Variants in WDR45B observed in about 807,000 individuals in gnomAD.
WDR45B encodes the protein WD repeat domain 45B.
Under a neutral mutation model 44.6 loss-of-function variants are expected in WDR45B, and 20 were observed. That is an observed-to-expected ratio of 0.45 (90% CI 0.32 to 0.65). WDR45B has a LOEUF of 0.65. Among genes scored for constraint, WDR45B ranks in the 30% least tolerant of loss-of-function variants. WDR45B has a pLI of 0.05. For missense variants in WDR45B, 323 were observed against 430.2 expected (o/e 0.75, Z 2.20); for synonymous variants, 169 against 164.9 (o/e 1.02, Z -0.19).
At chr17:82,617,025 C>A (rs1355694775) in intron 8 of WDR45B, among the ~76,000 whole-genome samples, 1 of 152,192 alleles carries the variant, frequency 6.6e-6, no homozygotes, top group African/African-American at 2.4e-5. Context: ...CCATGTTAGC[C>A]AGGATGGTCT....
At chr17:82,619,647 A>G (rs1177909919) in intron 6 of WDR45B, among the ~76,000 whole-genome samples, 2 of 152,230 alleles carry the variant, frequency 1.3e-5, no homozygotes, top group Admixed American at 6.5e-5. Context: ...ACCTCAGGGA[A>G]GTTTTTAACA....
At chr17:82,647,967 T>C (rs1036001085) in intron 1 of WDR45B, among the ~76,000 whole-genome samples, 2 of 139,356 alleles carry the variant, frequency 1.4e-5, no homozygotes, top group African/African-American at 2.7e-5. Flanking sequence ...TGGGGTTCTG[T>C]GCCGTCTCCC....
At chr17:82,639,824 T>C (rs1257399725) in intron 2 of WDR45B, among the ~76,000 whole-genome samples, 3 of 113,978 alleles carry the variant, frequency 2.6e-5, no homozygotes, top group Non-Finnish European at 5.3e-5. Flanking sequence ...GTGTGTCAGG[T>C]CGGGAGGGCT....
chr17:82,647,651 G>GT (rs1484986849), intron 1 of WDR45B, among the ~76,000 whole-genome samples: 1 of 152,144 alleles, frequency 6.6e-6, no homozygotes, highest in African/African-American at 2.4e-5. Context: ...ATCCCGGGGA[G>GT]TGGGGGTGGG....
intron 4 of WDR45B, 120 bp downstream of exon 4, chr17:82,627,084 A>G: frequency 1.2e-6 from 1 of 859,092 alleles, no homozygotes; most frequent in Non-Finnish European, 2.0e-6. Context: ...CATAAAAACC[A>G]GGACCAACAT....
At chr17:82,643,482 C>T (rs144737816) in intron 2 of WDR45B, among the ~76,000 whole-genome samples, 53 of 152,048 alleles carry the variant, frequency 3.5e-4, no homozygotes, top group African/African-American at 1.2e-3. Context: ...GAGAAATTTG[C>T]CCAAGGTCGC....
At chr17:82,620,528 G>A (rs547122036) in intron 6 of WDR45B, among the ~76,000 whole-genome samples, 14 of 152,340 alleles carry the variant, frequency 9.2e-5, no homozygotes, top group African/African-American at 3.1e-4. Flanking sequence ...CCCAAACCGC[G>A]TGTCCCCACG....
chr17:82,641,205 A>AATCT lies in WDR45B; in HGVS notation c.142+2740_142+2743dup, dbSNP rs201309154. On this transcript the variant is annotated intron_variant, in intron 2 of 9. Transcript: ENST00000392325. ...TGGTCTCGAACTCCTGAGCTCAGGCAATCTGCTCGCCTCAGCCTCCCAAAG... is the reference window on the plus strand; with the variant it reads ...TGGTCTCGAACTCCTGAGCTCAGGCAATCTATCTGCTCGCCTCAGCCTCCCAAAG... 4.9e-3 allele frequency among the ~76,000 whole-genome samples: 749 copies of AATCT among 152,010 alleles called. 6 individuals carry two copies. Among genetic ancestry groups the AATCT allele is most frequent in the African/African-American group, 0.016 (652 of 41,486 alleles).
Position 82,615,738 on chromosome 17 carries a change from TTCTC to T in WDR45B, c.*177_*180del. On this transcript the variant is annotated 3_prime_UTR_variant, in exon 10 of 10. Transcript: ENST00000392325. ...GTTACCTACGGTGCCTTGATGATGA[TTCTC>T]TCTTTAATACTGGAAATGGGAGTCC... The T allele has an allele frequency of 1.6e-6, 1 of 631,796 alleles. No individual in the cohort carries two copies. The allele number at this position is 631,796 out of a possible 1,614,324, so 39.1% of individuals were successfully genotyped here. A position where few individuals can be genotyped will look rare whatever the true frequency, so the allele number is the denominator to read the frequency against.
At chr17:82,625,858 T>C (rs113605864) in intron 4 of WDR45B, 3,775 of 302,648 alleles carry the variant, frequency 0.012, 149 homozygotes, top group African/African-American at 0.077. Context: ...ATATCCTCGA[T>C]CTGGCTCAAG....
rs762281964 is a variant in WDR45B at position 82,621,777 on chromosome 17, A to G, written c.450T>C (p.Asn150=). The change falls in exon 6 of 10, where the codon AAT becomes AAC. Residue 150 remains asparagine, a synonymous_variant. Transcript: ENST00000392325. ...NPKGLCVLCP[N]SNNSLLAFPG... ...GAAAGGCCAGGAGGGAGTTGTTACT[A>G]TTGGGACAAAGGACACAGAGGCCTG... The G allele has an allele frequency of 2.3e-5, 37 of 1,614,050 alleles. No homozygotes were observed. Among genetic ancestry groups the G allele is most frequent in the Non-Finnish European group, 3.1e-5 (37 of 1,180,050 alleles).
At chr17:82,628,173 G>C (rs978935575) in intron 3 of WDR45B, among the ~76,000 whole-genome samples, 2 of 152,010 alleles carry the variant, frequency 1.3e-5, no homozygotes, top group Admixed American at 6.6e-5. Flanking sequence ...TTGTATTTTT[G>C]GTAGAGATGG....
chr17:82,647,697 G>A (rs957839592), intron 1 of WDR45B, among the ~76,000 whole-genome samples: 1 of 152,034 alleles, frequency 6.6e-6, no homozygotes, highest in African/African-American at 2.4e-5. Flanking sequence ...CGACGGGAAA[G>A]GTGAGACCTG....
chr17:82,634,255 C>T (rs1308120739), intron 2 of WDR45B, among the ~76,000 whole-genome samples: 1 of 150,372 alleles, frequency 6.7e-6, no homozygotes, highest in East Asian at 2.0e-4. Context: ...CTTGGGAGGC[C>T]GAGGCAGGCG....
rs566898054 is a variant in WDR45B at position 82,647,911 on chromosome 17, A to C, written c.67+363T>G. Among the ~76,000 whole-genome samples the C allele has an allele frequency of 2.0e-5, 3 of 151,000 alleles. No homozygotes were observed. The South Asian group carries it at 6.4e-4, about 32-fold the overall frequency. On this transcript the variant is annotated intron_variant, in intron 1 of 9. Coordinates refer to ENST00000392325, the MANE Select transcript of WDR45B (RefSeq NM_019613.4). ...CGTGGAGCCCGCAGGGAGCCAGGGA[A>C]CCCGAGTGGGCGTGGCGCGCGGGGA...
At chr17:82,629,796 A>C (rs759541134) in intron 3 of WDR45B, 513 of 985,216 alleles carry the variant, frequency 5.2e-4, no homozygotes, top group Non-Finnish European at 5.7e-4. Flanking sequence ...CTTTCCACAC[A>C]ATCCTTTTGT....
At chr17:82,620,879 G>T (rs2045606176) in intron 6 of WDR45B, among the ~76,000 whole-genome samples, 1 of 152,108 alleles carries the variant, frequency 6.6e-6, no homozygotes, top group African/African-American at 2.4e-5. Context: ...CAATCTGGTG[G>T]TAATTCAATG....
chr17:82,618,735 A>C (rs1041990601), intron 7 of WDR45B, among the ~76,000 whole-genome samples: 1 of 152,138 alleles, frequency 6.6e-6, no homozygotes, highest in Non-Finnish European at 1.5e-5. Context: ...CCTTCCCTCA[A>C]AATAAAAACC....
Position 82,620,434 on chromosome 17 carries a change from A to AAAAACAAAAC in WDR45B, c.618+1165_618+1174dup, listed in dbSNP as rs57027645. Among the ~76,000 whole-genome samples, 145 of 151,824 alleles carry AAAAACAAAAC rather than the reference A, an allele frequency of 9.6e-4. 1 individual carries two copies. Among genetic ancestry groups the AAAAACAAAAC allele is most frequent in the African/African-American group, 3.3e-3 (136 of 41,464 alleles). ...GGTGACAGAGCAAAACTCAATCTCA[A>AAAAACAAAAC]AAAACAAAACAAAACAAAACAAAAA... On this transcript the variant is annotated intron_variant, in intron 6 of 9. Transcript: ENST00000392325.
Sources: gnomAD v4.1 joint callset for allele counts (sites outside exome capture counted in the v4.1 genomes callset) on GRCh38, gnomAD v4.1.1 for gene constraint, MANE v1.5 for transcripts, NCBI Gene and HGNC (gene_info 2026-07-23, HGNC 2026-07-21) for gene names.